The following PKDCC variants were observed in gnomAD, a reference collection of about 807,000 sequenced individuals.
PKDCC encodes extracellular tyrosine-protein kinase PKDCC.
A neutral mutation model predicts 44.7 loss-of-function variants in PKDCC; 35 were observed. The ratio of observed to expected loss-of-function variants is 0.78; its 90% CI spans 0.60 to 1.04. The LOEUF is 1.04. Ranked by LOEUF, PKDCC falls within the 50% of genes least tolerant of loss-of-function variation. PKDCC has a pLI of 0.00. For synonymous variants in PKDCC, 353 were observed against 303.3 expected (o/e 1.16, Z -1.70); for missense variants, 738 against 672.7 (o/e 1.10, Z -1.07).
In PKDCC at chr2:42,054,126, G is replaced by A. The variant is rs377686010; in HGVS notation, c.853G>A (p.Val285Met). ...TLLDFRPRQF[V>M]LVDGELKVTD... ...GCTGGACTTCCGCCCTCGGCAGTTTGTGCTGGTGGATGGGGAGCTCAAAGT... is the reference window on the plus strand; with the variant it reads ...GCTGGACTTCCGCCCTCGGCAGTTTATGCTGGTGGATGGGGAGCTCAAAGT... Residue 285 changes from valine (V) to methionine (M), a missense_variant, in exon 3 of 7, where the codon GTG (valine) becomes ATG (methionine). Val to Met is a conservative substitution (Grantham distance 21). Transcript: ENST00000294964. This position sits in a 1 kb window ranked among gnomAD's most constrained non-coding sequence, Gnocchi z 6.1. 5.6e-6 allele frequency: 9 copies of A among 1,613,448 alleles called. No individual in the cohort carries two copies. Among genetic ancestry groups the A allele is most frequent in the Admixed American group, 1.7e-5 (1 of 60,006 alleles).
At position 42,054,649 on chromosome 2, in the gene PKDCC, C is replaced by T. The variant is rs28666042; in HGVS notation, c.1035-292C>T. On this transcript the variant is annotated intron_variant, in intron 3 of 6. Coordinates refer to ENST00000294964, the MANE Select transcript of PKDCC (RefSeq NM_138370.3). This position sits in a 1 kb window ranked among gnomAD's most constrained non-coding sequence, Gnocchi z 6.1. Reference sequence around the variant, plus strand: ...TCACTGGGCCCCAGCCATGGGGCTGCTCCGACACCGGGAGTCAGTCAGGGG... The same window carrying T: ...TCACTGGGCCCCAGCCATGGGGCTGTTCCGACACCGGGAGTCAGTCAGGGG... 3,611 of 547,630 alleles carry T rather than the reference C, an allele frequency of 6.6e-3. 96 individuals carry two copies. Among genetic ancestry groups the T allele is most frequent in the African/African-American group, 0.06 (3,188 of 53,046 alleles). 33.9% of individuals were successfully genotyped at this position (547,630 alleles called of 1,614,324 possible).
rs891182292 is a variant in PKDCC at position 42,051,974 on chromosome 2, A to G, written c.640-1265A>G. On this transcript the variant is annotated intron_variant, in intron 1 of 6. Transcript: ENST00000294964. This position sits in a 1 kb window ranked among gnomAD's most constrained non-coding sequence, Gnocchi z 4.2. ...AACTCAGCCTTCGTGTTTCTACCCCACAGGGTGCTGGTTGTTTTGAGCACC... is the reference window on the plus strand; with the variant it reads ...AACTCAGCCTTCGTGTTTCTACCCCGCAGGGTGCTGGTTGTTTTGAGCACC... 6.6e-5 allele frequency among the ~76,000 whole-genome samples: 10 copies of G among 151,942 alleles called. No individual in the cohort carries two copies. Among genetic ancestry groups the G allele is most frequent in the Admixed American group, 5.2e-4 (8 of 15,274 alleles).
At position 42,053,318 on chromosome 2, in the gene PKDCC, A is replaced by G; in HGVS notation, c.719A>G (p.Glu240Gly). Residue 240 changes from glutamate (E) to glycine (G), a missense_variant, in exon 2 of 7, where the codon GAA (glutamate) becomes GGA (glycine). Glu to Gly is a moderately conservative substitution (Grantham distance 98). Coordinates refer to ENST00000294964, the MANE Select transcript of PKDCC (RefSeq NM_138370.3). ...TTITELGAPV[E>G]MIQLLQTSWE... ...ATCACGGAGCTGGGCGCCCCTGTAG[A>G]AATGATCCAGCTGCTGCAAACTTCC... 1.9e-6 allele frequency: 3 copies of G among 1,613,884 alleles called. No homozygotes were observed. Among genetic ancestry groups the G allele is most frequent in the Non-Finnish European group, 2.5e-6 (3 of 1,179,908 alleles).
rs1410366761 is a variant in PKDCC, at chr2:42,055,388, G to A, written c.1217G>A (p.Ser406Asn). 1 of 1,613,088 alleles carries A rather than the reference G, an allele frequency of 6.2e-7. No individual in the cohort carries two copies. Among genetic ancestry groups the A allele is most frequent in the South Asian group, 1.1e-5 (1 of 90,778 alleles). ...QYLQNSTASS[S>N]TEYQCIPDST... is the part of the protein sequence containing the mutation. ...CTGCAGAACTCCACGGCAAGCAGCA[G>A]TACCGGTGAGTGGCCCCAAGCTGAT... Residue 406 changes from serine (S) to asparagine (N), a missense_variant, in exon 5 of 7, where the codon AGT (serine) becomes AAT (asparagine). Ser to Asn is a conservative substitution (Grantham distance 46). Transcript: ENST00000294964. This position sits in a 1 kb window ranked among gnomAD's most constrained non-coding sequence, Gnocchi z 4.5.
Position 42,053,241 on chromosome 2 carries a change from C to A in PKDCC, c.642C>A (p.Leu214=). Reference sequence around the variant, plus strand: ...GACCTGCCCTCGGCTTTCCCCAGCTCTATGGCTACTGCTACCAGGACAGCG... The same window carrying A: ...GACCTGCCCTCGGCTTTCCCCAGCTATATGGCTACTGCTACCAGGACAGCG... The part of the protein sequence containing the change: ...ERLRHPNVLQ[L]YGYCYQDSED... Residue 214 remains leucine (L), a splice_region_variant and synonymous_variant, in exon 2 of 7, where the codon CTC becomes CTA. Coordinates refer to ENST00000294964, the MANE Select transcript of PKDCC (RefSeq NM_138370.3). 1 of 1,607,272 alleles carries A rather than the reference C, an allele frequency of 6.2e-7. No individual in the cohort carries two copies.
At position 42,048,676 on chromosome 2, in the gene PKDCC, C is replaced by T. The variant is rs750530409; in HGVS notation, c.477C>T (p.Gly159=). Residue 159 remains glycine (G), a synonymous_variant, in exon 1 of 7, where the codon GGC becomes GGT. Coordinates refer to ENST00000294964, the MANE Select transcript of PKDCC (RefSeq NM_138370.3). The surrounding 1 kb of genome is among the most constrained non-coding windows in gnomAD (Gnocchi z 6.2). The part of the protein sequence containing the change: ...TKAVYRVRLP[G]GAAVALKAVD... ...CCGTGTACCGGGTCCGCCTGCCCGG[C>T]GGTGCCGCGGTGGCGCTCAAGGCGG... 1.3e-6 allele frequency: 2 copies of T among 1,547,356 alleles called. No individual in the cohort carries two copies. Among genetic ancestry groups the T allele is most frequent in the Non-Finnish European group, 8.7e-7 (1 of 1,146,472 alleles).
At position 42,054,083 on chromosome 2, in the gene PKDCC, A is replaced by G. The variant is rs767194556; in HGVS notation, c.810A>G (p.Pro270=). The G allele has an allele frequency of 6.2e-7, 1 of 1,612,264 alleles. No homozygotes were observed. The change falls in exon 3 of 7, where the codon CCA becomes CCG. Residue 270 remains proline, a synonymous_variant. Coordinates refer to ENST00000294964, the MANE Select transcript of PKDCC (RefSeq NM_138370.3). This position sits in a 1 kb window ranked among gnomAD's most constrained non-coding sequence, Gnocchi z 6.1. ...TCCTCCACCACCTGGCCCACTCCCCACTGGGCTCCGTCACTCTGCTGGACT... is the reference window on the plus strand; with the variant it reads ...TCCTCCACCACCTGGCCCACTCCCCGCTGGGCTCCGTCACTCTGCTGGACT... ...GRLLHHLAHS[P]LGSVTLLDFR...
chr2:42,053,012 A>G (rs1295081720), intron 1 of PKDCC, among the ~76,000 whole-genome samples: 4 of 152,188 alleles, frequency 2.6e-5, no homozygotes, highest in Non-Finnish European at 5.9e-5. Flanking sequence ...AGACCTGCCT[A>G]TTTACCTGAG....
At position 42,055,686 on chromosome 2, in the gene PKDCC, T is replaced by C. The variant is rs1668041916; in HGVS notation, c.1222+293T>C. 1 of 336,678 alleles carries C rather than the reference T, an allele frequency of 3.0e-6. No individual in the cohort carries two copies. Among genetic ancestry groups the C allele is most frequent in the Non-Finnish European group, 5.5e-6 (1 of 183,354 alleles). 20.9% of individuals were successfully genotyped at this position (336,678 alleles called of 1,614,324 possible). ...TACTGGCTATATGACTTTGAGCAAGTTACCCCTTGAACCTCACTTTCCTCA... is the reference window on the plus strand; with the variant it reads ...TACTGGCTATATGACTTTGAGCAAGCTACCCCTTGAACCTCACTTTCCTCA... On this transcript the variant is annotated intron_variant, in intron 5 of 6. Coordinates refer to ENST00000294964, the MANE Select transcript of PKDCC (RefSeq NM_138370.3). This position sits in a 1 kb window ranked among gnomAD's most constrained non-coding sequence, Gnocchi z 4.5.
chr2:42,053,486 C>G (rs756612199), intron 2 of PKDCC, 125 bp downstream of exon 2: 1 of 1,314,234 alleles, frequency 7.6e-7, no homozygotes, highest in Admixed American at 2.6e-5. Context: ...GGAAGGCGCA[C>G]AGGCTGACTC....
At position 42,051,986 on chromosome 2, in the gene PKDCC, T is replaced by C. The variant is rs1170232298; in HGVS notation, c.640-1253T>C. Among the ~76,000 whole-genome samples the C allele has an allele frequency of 6.6e-6, 1 of 152,040 alleles. No individual in the cohort carries two copies. Among genetic ancestry groups the C allele is most frequent in the East Asian group, 1.9e-4 (1 of 5,190 alleles). On this transcript the variant is annotated intron_variant, in intron 1 of 6. Coordinates refer to ENST00000294964, the MANE Select transcript of PKDCC (RefSeq NM_138370.3). The surrounding 1 kb of genome is among the most constrained non-coding windows in gnomAD (Gnocchi z 4.2). Reference sequence around the variant, plus strand: ...GTGTTTCTACCCCACAGGGTGCTGGTTGTTTTGAGCACCATACGAGCCCCT... The same window carrying C: ...GTGTTTCTACCCCACAGGGTGCTGGCTGTTTTGAGCACCATACGAGCCCCT...
intron 6 of PKDCC, 68 bp from the exon 7 acceptor site, chr2:42,057,535 A>T (rs1668077932): frequency 8.9e-6 from 14 of 1,573,306 alleles, no homozygotes; most frequent in Non-Finnish European, 1.2e-5. Flanking sequence ...CAGTCAAATT[A>T]GGGAGAATGG....
Position 42,053,289 on chromosome 2 carries a change from C to A in PKDCC, c.690C>A (p.Thr230=), listed in dbSNP as rs1276043024. ...QDSEDIPDTL[T]TITELGAPVE... is the part of the protein sequence containing the mutation. ...GCGAGGACATCCCAGACACCCTGACCACCATCACGGAGCTGGGCGCCCCTG... is the reference window on the plus strand; with the variant it reads ...GCGAGGACATCCCAGACACCCTGACAACCATCACGGAGCTGGGCGCCCCTG... Residue 230 remains threonine (T), a synonymous_variant, in exon 2 of 7, where the codon ACC becomes ACA. Coordinates refer to ENST00000294964, the MANE Select transcript of PKDCC (RefSeq NM_138370.3). The A allele has an allele frequency of 6.2e-7, 1 of 1,613,832 alleles. No homozygotes were observed. Among genetic ancestry groups the A allele is most frequent in the East Asian group, 2.2e-5 (1 of 44,864 alleles).
chr2:42,056,031 A>G (rs969053079), intron 5 of PKDCC, among the ~76,000 whole-genome samples: 4 of 152,112 alleles, frequency 2.6e-5, no homozygotes, highest in African/African-American at 9.7e-5. Flanking sequence ...TTTCATATTC[A>G]AGGAGTTCTG....
In PKDCC at chr2:42,054,930, C is replaced by T. The variant is rs779407322; in HGVS notation, c.1035-11C>T. On this transcript the variant is annotated splice_polypyrimidine_tract_variant and intron_variant, in intron 3 of 6. Transcript: ENST00000294964. This position sits in a 1 kb window ranked among gnomAD's most constrained non-coding sequence, Gnocchi z 6.1. Reference sequence around the variant, plus strand: ...CTGGATTCCTGAGCCACTGGTTTCCCTCTGCCACAGGTTTTTCTTCACATA... The same window carrying T: ...CTGGATTCCTGAGCCACTGGTTTCCTTCTGCCACAGGTTTTTCTTCACATA... The T allele has an allele frequency of 1.9e-6, 3 of 1,611,942 alleles. No individual in the cohort carries two copies. Among genetic ancestry groups the T allele is most frequent in the South Asian group, 1.1e-5 (1 of 91,018 alleles).
At chr2:42,057,499 A>G (rs1668077354) in intron 6 of PKDCC, 104 bp from the exon 7 acceptor site, 2 of 1,554,650 alleles carry the variant, frequency 1.3e-6, no homozygotes, top group Non-Finnish European at 8.8e-7. Context: ...TGAGGTGATG[A>G]GAGAGAGGTA....
At chr2:42,053,092 A>T in intron 1 of PKDCC, 147 bp from the exon 2 acceptor site, 1 of 874,020 alleles carries the variant, frequency 1.1e-6, no homozygotes, top group Non-Finnish European at 1.7e-6. Context: ...CATGCTTCCC[A>T]GGCAACGCTG....
chr2:42,054,332 A>C lies in PKDCC; in HGVS notation c.1034+25A>C. 6.3e-7 allele frequency: 1 copy of C among 1,577,678 alleles called. No homozygotes were observed. Among genetic ancestry groups the C allele is most frequent in the Non-Finnish European group, 8.6e-7 (1 of 1,159,092 alleles). On this transcript the variant is annotated intron_variant, in intron 3 of 6. Transcript: ENST00000294964. The surrounding 1 kb of genome is among the most constrained non-coding windows in gnomAD (Gnocchi z 6.1). ...GGTGACCTCCACCCCTGACTCGGGA[A>C]CTCCATCGAAGGAGAATGGGCCAGG...
In PKDCC at chr2:42,055,061, C is replaced by A; in HGVS notation, c.1114+41C>A. Reference sequence around the variant, plus strand: ...CCCATCTGCTTCCAGGCACCTACCCCACCCCCACCCGCCAGCAAAAGTGGG... The same window carrying A: ...CCCATCTGCTTCCAGGCACCTACCCAACCCCCACCCGCCAGCAAAAGTGGG... On this transcript the variant is annotated intron_variant, in intron 4 of 6. Transcript: ENST00000294964. The surrounding 1 kb of genome is among the most constrained non-coding windows in gnomAD (Gnocchi z 4.5). 6.4e-7 allele frequency: 1 copy of A among 1,569,474 alleles called. No homozygotes were observed. The highest frequency in any genetic ancestry group is 1.7e-4 in the Middle Eastern group (1 of 5,968).
Sources: gnomAD v4.1 joint callset for allele counts (sites outside exome capture counted in the v4.1 genomes callset) on GRCh38, gnomAD v4.1.1 for gene constraint, Gnocchi (gnomAD v3.1) non-coding constraint, MANE v1.5 for transcripts, NCBI Gene and HGNC (gene_info 2026-07-23, HGNC 2026-07-21) for gene names.